Variants in ZBBX observed in about 807,000 individuals in gnomAD.
ZBBX encodes zinc finger B-box domain-containing protein 1.
A neutral mutation model predicts 108.5 loss-of-function variants in ZBBX; 101 were observed. The ratio of observed to expected loss-of-function variants is 0.93; its 90% CI spans 0.79 to 1.10. The LOEUF (loss-of-function observed/expected upper bound fraction) is 1.10. Among genes scored for constraint, ZBBX ranks in the 50% least tolerant of loss-of-function variants. The probability of loss-of-function intolerance (pLI) is 0.00; values close to 1 mark genes in which losing one functional copy is unlikely to be tolerated. For missense variants in ZBBX, 1,009 were observed against 941.4 expected (o/e 1.07, Z -0.94); for synonymous variants, 356 against 323.4 (o/e 1.10, Z -1.08).
At chr3:167,382,115 T>A (rs912497386), upstream of ZBBX, among the ~76,000 whole-genome samples, 1 of 152,198 alleles carries the variant, frequency 6.6e-6, no homozygotes, top group Non-Finnish European at 1.5e-5. Flanking sequence ...ATAGTAAAAT[T>A]AAACTCATAA....
At chr3:167,209,358 C>G in the ZBBX span, among the ~76,000 whole-genome samples, 10 of 151,978 alleles carry the variant, frequency 6.6e-5, no homozygotes, top group Admixed American at 5.9e-4. Context: ...ACTTGTGTCA[C>G]CCCCCTCCTC....
At chr3:167,404,029 G>A (rs1221639104) in intron 1 of ZBBX, among the ~76,000 whole-genome samples, 1 of 151,998 alleles carries the variant, frequency 6.6e-6, no homozygotes, top group South Asian at 2.1e-4. Context: ...GGCGAAAAAA[G>A]TCAGCATACT....
At chr3:167,341,191 C>T (rs1479626899) in intron 9 of ZBBX, among the ~76,000 whole-genome samples, 1 of 151,748 alleles carries the variant, frequency 6.6e-6, no homozygotes, top group Non-Finnish European at 1.5e-5. Flanking sequence ...TATTATTATT[C>T]CTCCTTGACC....
At chr3:167,202,684 T>C in the ZBBX span, among the ~76,000 whole-genome samples, 2 of 152,114 alleles carry the variant, frequency 1.3e-5, no homozygotes, top group Non-Finnish European at 2.9e-5. Flanking sequence ...ACCCTGAAAA[T>C]GGAAGTTTAT....
At position 167,240,838 on chromosome 3, in the gene ZBBX, G is replaced by A. The variant is rs759243493; in HGVS notation, c.2475C>T (p.Leu825=). ...SSTDEEEEDF[L]NKQHVITLPW... is the part of the protein sequence containing the mutation. Reference sequence around the variant, plus strand: ...GTAGTGTGATGACATGTTGCTTGTTGAGAAAATCTTCCTCCTCCTCATCTG... The same window carrying A: ...GTAGTGTGATGACATGTTGCTTGTTAAGAAAATCTTCCTCCTCCTCATCTG... Residue 825 remains leucine, a synonymous_variant, in exon 22 of 22, where the codon CTC becomes CTT. Coordinates refer to ENST00000675490, the MANE Select transcript of ZBBX (RefSeq NM_001199201.2). The A allele has an allele frequency of 4.3e-6, 7 of 1,613,588 alleles. No individual in the cohort carries two copies. The South Asian group carries it at 6.6e-5, about 15-fold the overall frequency.
chr3:167,204,313 C>G, the ZBBX span, among the ~76,000 whole-genome samples: 3 of 136,198 alleles, frequency 2.2e-5, no homozygotes, highest in Admixed American at 2.5e-4. Flanking sequence ...CATATGTATA[C>G]ATGTGCCATG....
At chr3:167,297,045 G>A (rs1731805619) in intron 18 of ZBBX, among the ~76,000 whole-genome samples, 1 of 151,782 alleles carries the variant, frequency 6.6e-6, no homozygotes, top group Admixed American at 6.6e-5. Flanking sequence ...CAATGAAATG[G>A]GATAAACAAC....
chr3:167,325,893 G>A (rs1180268381), intron 11 of ZBBX, among the ~76,000 whole-genome samples: 1 of 152,052 alleles, frequency 6.6e-6, no homozygotes, highest in Non-Finnish European at 1.5e-5. Flanking sequence ...CAACCAAACT[G>A]GCTAAAGTTA....
chr3:167,398,756 A>G (rs953167288), intron 1 of ZBBX, among the ~76,000 whole-genome samples: 5 of 152,034 alleles, frequency 3.3e-5, no homozygotes, highest in African/African-American at 1.2e-4. Flanking sequence ...TTATCACAAG[A>G]TGTTATGATT....
At chr3:167,196,475 C>A in the ZBBX span, among the ~76,000 whole-genome samples, 1 of 152,134 alleles carries the variant, frequency 6.6e-6, no homozygotes, top group African/African-American at 2.4e-5. Flanking sequence ...TTAAAATCAT[C>A]TATAAAACAT....
the ZBBX span, among the ~76,000 whole-genome samples, chr3:167,232,164 T>A: frequency 6.6e-6 from 1 of 151,876 alleles, no homozygotes. Context: ...ACTGCTTTTT[T>A]ATTAACTTTA....
At chr3:167,219,402 C>T in the ZBBX span, among the ~76,000 whole-genome samples, 4 of 151,618 alleles carry the variant, frequency 2.6e-5, no homozygotes, top group East Asian at 7.7e-4. Context: ...TTTAAAAGTT[C>T]AAAAAAACTG....
chr3:167,297,043 T>A (rs1299608882), intron 18 of ZBBX, among the ~76,000 whole-genome samples: 1 of 151,924 alleles, frequency 6.6e-6, no homozygotes, highest in East Asian at 1.9e-4. Context: ...ACCAATGAAA[T>A]GGGATAAACA....
intron 20 of ZBBX, among the ~76,000 whole-genome samples, chr3:167,248,296 C>T (rs374117802): frequency 7.9e-5 from 12 of 152,196 alleles, no homozygotes; most frequent in South Asian, 2.1e-4. Flanking sequence ...TCACCCACCA[C>T]GCTAATGGAA....
chr3:167,389,817 GT>G lies in ZBBX; in HGVS notation c.-445-9413del, dbSNP rs35085003. Among the ~76,000 whole-genome samples, 253 of 150,640 alleles carry G rather than the reference GT, an allele frequency of 1.7e-3. 1 individual carries two copies. The highest frequency in any genetic ancestry group is 3.6e-3 in the South Asian group (17 of 4,778). ...TCATATCCTTCACCCACTTTTTGAT[GT>G]TTTTTTTTCTTGTAAATTTAAGTTC... On this transcript the variant is annotated intron_variant, in intron 1 of 21. Transcript: ENST00000455345.
At chr3:167,248,206 A>C (rs1429269025) in intron 20 of ZBBX, among the ~76,000 whole-genome samples, 1 of 152,170 alleles carries the variant, frequency 6.6e-6, no homozygotes, top group Non-Finnish European at 1.5e-5. Flanking sequence ...GGCAAAGGCC[A>C]AGCCCAACAG....
At chr3:167,328,247 T>C (rs1312137599) in intron 10 of ZBBX, 131 bp from the exon 11 acceptor site, 2 of 908,500 alleles carry the variant, frequency 2.2e-6, no homozygotes, top group Admixed American at 2.9e-5. Flanking sequence ...AATCAGACTT[T>C]TTAAACTTAG....
In ZBBX at chr3:167,314,890, T is replaced by C. The variant is rs552730817; in HGVS notation, c.1275-774A>G. Among the ~76,000 whole-genome samples the C allele has an allele frequency of 2.0e-4, 31 of 152,332 alleles. No individual in the cohort carries two copies. In the South Asian group the frequency reaches 2.3e-3, roughly 11 times the overall value. ...GAATCCGATTAGAGAACAGAAATGC[T>C]ATTCATTTCCTTAGAGATAGAGTGG... On this transcript the variant is annotated intron_variant, in intron 15 of 21. Transcript: ENST00000675490.
intron 18 of ZBBX, among the ~76,000 whole-genome samples, chr3:167,294,845 G>GA: frequency 6.6e-6 from 1 of 151,496 alleles, no homozygotes; most frequent in African/African-American, 2.4e-5. Context: ...AAATTTACAA[G>GA]AAAAAAACAA....
Sources: allele counts gnomAD v4.1 joint callset (sites outside exome capture counted in the v4.1 genomes callset), GRCh38; gene constraint gnomAD v4.1.1; transcripts MANE v1.5; gene names NCBI Gene and HGNC (gene_info 2026-07-23, HGNC 2026-07-21).